The following NRIP1 variants were observed in gnomAD, a reference collection of about 807,000 sequenced individuals.
NRIP1 encodes nuclear receptor interacting protein 1.
In NRIP1, 28 loss-of-function variants were observed where a neutral mutation model predicts 75.0. The observed-to-expected ratio is 0.37, with a 90% CI of 0.28 to 0.51. NRIP1 has a LOEUF of 0.51. Among genes scored for constraint, NRIP1 ranks in the 20% least tolerant of loss-of-function variants. The probability of loss-of-function intolerance (pLI) is 0.92; values close to 1 mark genes in which losing one functional copy is unlikely to be tolerated. For synonymous variants in NRIP1, 526 were observed against 487.6 expected (o/e 1.08, Z -1.04); for missense variants, 1,435 against 1,343.7 (o/e 1.07, Z -1.06).
Position 15,003,321 on chromosome 21 carries a change from T to TTCA in NRIP1, c.-335+11020_-335+11022dup, listed in dbSNP as rs112679460. Among the ~76,000 whole-genome samples, 2,565 of 152,284 alleles carry TTCA rather than the reference T, an allele frequency of 0.017. 225 individuals are homozygous for TTCA. The East Asian group carries it at 0.27, about 16-fold the overall frequency. ...AGGAGGCATCCTAAGCCGTTCTGTT[T>TTCA]TCATGTAAACAACTGCTTTAACACT... is the stretch of plus-strand genomic sequence containing the variant. On this transcript the variant is annotated intron_variant, in intron 3 of 3. Coordinates refer to ENST00000318948, the MANE Select transcript of NRIP1 (RefSeq NM_003489.4).
At chr21:14,974,611 T>C (rs1205193197) in intron 3 of NRIP1, among the ~76,000 whole-genome samples, 1 of 152,138 alleles carries the variant, frequency 6.6e-6, no homozygotes, top group Non-Finnish European at 1.5e-5. Flanking sequence ...CCAAAAATCA[T>C]AAAAGATGAA....
At chr21:15,018,772 G>A (rs1454462550) in intron 2 of NRIP1, among the ~76,000 whole-genome samples, 2 of 152,236 alleles carry the variant, frequency 1.3e-5, no homozygotes, top group East Asian at 1.9e-4. Flanking sequence ...AGGAGTTGGG[G>A]TTATTTTCCC....
At chr21:14,984,374 T>G (rs2087332238) in intron 3 of NRIP1, among the ~76,000 whole-genome samples, 1 of 151,430 alleles carries the variant, frequency 6.6e-6, no homozygotes, top group Admixed American at 6.6e-5. Context: ...CGGGTTTTTT[T>G]TTTTTTTTCA....
intron 1 of NRIP1, among the ~76,000 whole-genome samples, chr21:15,049,792 C>T (rs896389065): frequency 6.6e-6 from 1 of 151,974 alleles, no homozygotes; most frequent in Non-Finnish European, 1.5e-5. Flanking sequence ...TTATAAAATT[C>T]ATGCTTCTTC....
chr21:14,965,354 G>C lies in NRIP1; in HGVS notation c.2839C>G (p.Arg947Gly). Residue 947 changes from arginine to glycine, a missense_variant, in exon 4 of 4, where the codon CGA becomes GGA. Physicochemically the swap from Arg to Gly is moderately radical, Grantham distance 125 (BLOSUM62 -2). Transcript: ENST00000318948. Reference protein sequence around the residue: ...KQLLLSENCVRDLSPHRSNSV... With the variant: ...KQLLLSENCVGDLSPHRSNSV... Reference sequence around the variant, plus strand: ...TTACTTCTGTGCGGGGACAAATCTCGCACACAGTTTTCTGAGAGAAGCAGC... The same window carrying C: ...TTACTTCTGTGCGGGGACAAATCTCCCACACAGTTTTCTGAGAGAAGCAGC... 1.2e-6 allele frequency: 2 copies of C among 1,613,928 alleles called. No homozygotes were observed. Among genetic ancestry groups the C allele is most frequent in the Non-Finnish European group, 1.7e-6 (2 of 1,179,930 alleles).
chr21:15,052,794 A>G (rs1329078657), intron 1 of NRIP1, among the ~76,000 whole-genome samples: 1 of 152,218 alleles, frequency 6.6e-6, no homozygotes, highest in Non-Finnish European at 1.5e-5. Flanking sequence ...GTAACATGCT[A>G]TCATTAAAGA....
intron 2 of NRIP1, among the ~76,000 whole-genome samples, chr21:15,024,939 A>C (rs778060484): frequency 1.3e-5 from 2 of 152,224 alleles, no homozygotes; most frequent in Non-Finnish European, 2.9e-5. Context: ...TGTCAATCAC[A>C]GAAAAGCAAA....
chr21:15,065,528 C>A (rs1003191444), upstream of NRIP1, among the ~76,000 whole-genome samples: 4 of 152,166 alleles, frequency 2.6e-5, no homozygotes, highest in Non-Finnish European at 4.4e-5. Flanking sequence ...TCCTCCCCTT[C>A]ACCCCACAAC....
chr21:14,970,223 G>C (rs1395142041), intron 3 of NRIP1, among the ~76,000 whole-genome samples: 1 of 152,072 alleles, frequency 6.6e-6, no homozygotes, highest in East Asian at 1.9e-4. Flanking sequence ...TCTTGGAGTT[G>C]AGGAAACCCA....
In NRIP1 at chr21:14,966,261, T is replaced by C. The variant is rs747894971; in HGVS notation, c.1932A>G (p.Ser644=). ...GTTTGCTGGGTCTCTGCTCTTCCAC[T>C]GACATGGATGACTGCATTCCACATT... ...LAQCGMQSSM[S]VEEQRPSKQL... is the part of the protein sequence containing the mutation. The change falls in exon 4 of 4, where the codon TCA becomes TCG. Residue 644 remains serine (S), a synonymous_variant. Coordinates refer to ENST00000318948, the MANE Select transcript of NRIP1 (RefSeq NM_003489.4). 1.2e-6 allele frequency: 2 copies of C among 1,614,116 alleles called. No homozygotes were observed. Among genetic ancestry groups the C allele is most frequent in the South Asian group, 2.2e-5 (2 of 91,084 alleles).
Position 14,965,544 on chromosome 21 carries a change from A to G in NRIP1, c.2649T>C (p.Asn883=), listed in dbSNP as rs2086709869. The G allele has an allele frequency of 6.2e-7, 1 of 1,613,930 alleles. No individual in the cohort carries two copies. The highest frequency in any genetic ancestry group is 8.5e-7 in the Non-Finnish European group (1 of 1,179,962). Residue 883 remains asparagine, a synonymous_variant, in exon 4 of 4, where the codon AAT becomes AAC. Transcript: ENST00000318948. The stretch of plus-strand genomic sequence containing the variant: ...CATACAGTACTTCTGGGGCACTGTG[A>G]TTGTTTGCAGCATCAACAATGTTGT... ...MKNNIVDAAN[N]HSAPEVLYGS...
At chr21:14,977,847 T>C (rs1220241854) in intron 3 of NRIP1, among the ~76,000 whole-genome samples, 1 of 152,196 alleles carries the variant, frequency 6.6e-6, no homozygotes, top group Non-Finnish European at 1.5e-5. Context: ...AAAATAATTA[T>C]CTAAATACAT....
chr21:14,965,497 T>C lies in NRIP1; in HGVS notation c.2696A>G (p.Glu899Gly). Reference protein sequence around the residue: ...VLYGSLLNQEELKFSRNDLEF... With the variant: ...VLYGSLLNQEGLKFSRNDLEF... ...AAGATCATTTCTGCTAAATTTCAGC[T>C]CTTCCTGGTTAAGCAAGGACCCATA... The change falls in exon 4 of 4, where the codon GAG becomes GGG. Residue 899 changes from glutamate (E) to glycine (G), a missense_variant. Coordinates refer to ENST00000318948, the MANE Select transcript of NRIP1 (RefSeq NM_003489.4). 6.2e-7 allele frequency: 1 copy of C among 1,613,996 alleles called. No homozygotes were observed. Among genetic ancestry groups the C allele is most frequent in the Non-Finnish European group, 8.5e-7 (1 of 1,179,960 alleles).
chr21:14,972,393 G>T (rs1301635436), intron 3 of NRIP1, among the ~76,000 whole-genome samples: 2 of 152,110 alleles, frequency 1.3e-5, no homozygotes, highest in Non-Finnish European at 2.9e-5. Flanking sequence ...GGGACCTATG[G>T]ATTTAGGGTA....
intron 2 of NRIP1, among the ~76,000 whole-genome samples, chr21:15,021,787 TA>T (rs1312268995): frequency 6.6e-6 from 1 of 151,978 alleles, no homozygotes; most frequent in Admixed American, 6.6e-5. Context: ...AATATAGATA[TA>T]AAAGCTCAAC....
chr21:15,031,705 C>A (rs2088698361), intron 2 of NRIP1, among the ~76,000 whole-genome samples: 1 of 133,866 alleles, frequency 7.5e-6, no homozygotes, highest in Admixed American at 7.3e-5. Context: ...AGGATCACCA[C>A]ATTCCCTTTC....
chr21:15,060,892 A>G (rs2089409983), intron 1 of NRIP1, among the ~76,000 whole-genome samples: 1 of 152,062 alleles, frequency 6.6e-6, no homozygotes, highest in African/African-American at 2.4e-5. Context: ...CTCTCGACAT[A>G]ATCTTCAGTT....
chr21:14,979,075 T>C (rs186694457), intron 3 of NRIP1, among the ~76,000 whole-genome samples: 1 of 152,238 alleles, frequency 6.6e-6, no homozygotes, highest in Admixed American at 6.5e-5. Flanking sequence ...TACCTTCTAC[T>C]GTTATCAAAG....
chr21:15,039,300 A>G (rs2088900773), intron 2 of NRIP1, among the ~76,000 whole-genome samples: 1 of 152,128 alleles, frequency 6.6e-6, no homozygotes, highest in African/African-American at 2.4e-5. Flanking sequence ...CAACCACTGT[A>G]TCCCAGATCT....
Sources: gnomAD v4.1 joint callset for allele counts (sites outside exome capture counted in the v4.1 genomes callset) on GRCh38, gnomAD v4.1.1 for gene constraint, MANE v1.5 for transcripts, NCBI Gene and HGNC (gene_info 2026-07-23, HGNC 2026-07-21) for gene names.